TRAF3IP3: variants seen among roughly 807,000 people sequenced by gnomAD.
TRAF3IP3 encodes TRAF3 interacting protein 3, also known as TRAF3-interacting JNK-activating modulator.
TRAF3IP3 carries 64 observed loss-of-function variants against 86.5 expected under a neutral mutation model. The ratio of observed to expected loss-of-function variants is 0.74; its 90% CI spans 0.60 to 0.91. TRAF3IP3 has a LOEUF of 0.91. Among genes scored for constraint, TRAF3IP3 ranks in the 40% least tolerant of loss-of-function variants. The probability of loss-of-function intolerance (pLI) is 0.00; values close to 1 mark genes in which losing one functional copy is unlikely to be tolerated. For missense variants in TRAF3IP3, 579 were observed against 642.9 expected (o/e 0.90, Z 1.07); for synonymous variants, 220 against 243.9 (o/e 0.90, Z 0.91).
chr1:209,771,382 GGTGGAAGTGTGCA>G (rs1404285791), intron 8 of TRAF3IP3, among the ~76,000 whole-genome samples: 1 of 95,240 alleles, frequency 1.0e-5, no homozygotes. Flanking sequence ...TGTGTGTGCA[GGTGGAAGTGTGCA>G]TGTGCATGTG....
chr1:209,757,884 T>G (rs1398732268), intron 1 of TRAF3IP3, among the ~76,000 whole-genome samples: 1 of 152,204 alleles, frequency 6.6e-6, no homozygotes, highest in Non-Finnish European at 1.5e-5. Flanking sequence ...ACAAGGCAGG[T>G]CCTAGCCCCA....
intron 8 of TRAF3IP3, among the ~76,000 whole-genome samples, chr1:209,766,012 C>T (rs1232935791): frequency 6.6e-6 from 1 of 152,202 alleles, no homozygotes; most frequent in African/African-American, 2.4e-5. Flanking sequence ...AAGCATACCG[C>T]ACCGGGTGGA....
intron 15 of TRAF3IP3, chr1:209,780,945 T>C (rs1396127419): frequency 5.4e-6 from 1 of 184,646 alleles, no homozygotes; most frequent in Non-Finnish European, 1.1e-5. Flanking sequence ...ACTCTTCCTT[T>C]GTACATACTC....
chr1:209,756,401 GGTGGA>G (rs2077155927), intron 1 of TRAF3IP3, 92 bp downstream of exon 1: 2 of 152,354 alleles, frequency 1.3e-5, no homozygotes, highest in South Asian at 4.1e-4. Context: ...AGCTCCCCTG[GGTGGA>G]GAGTGGGTGG....
chr1:209,768,547 G>C, intron 8 of TRAF3IP3: 1 of 985,622 alleles, frequency 1.0e-6, no homozygotes, highest in Non-Finnish European at 1.2e-6. Flanking sequence ...AGAGCAGAGA[G>C]ATGAGCTGTG....
At chr1:209,769,994 G>T (rs1421080661) in intron 8 of TRAF3IP3, among the ~76,000 whole-genome samples, 1 of 152,194 alleles carries the variant, frequency 6.6e-6, no homozygotes, top group African/African-American at 2.4e-5. Context: ...CTGGGCAAAA[G>T]GGGCAAGTCT....
chr1:209,769,106 G>A (rs1172188020), intron 8 of TRAF3IP3, among the ~76,000 whole-genome samples: 1 of 152,204 alleles, frequency 6.6e-6, no homozygotes, highest in African/African-American at 2.4e-5. Context: ...ACCCCAAAAG[G>A]GTAGGAGACT....
intron 8 of TRAF3IP3, among the ~76,000 whole-genome samples, chr1:209,766,254 C>T (rs10779513): frequency 0.52 from 79,309 of 152,076 alleles, 21,854 homozygotes; most frequent in African/African-American, 0.7. Context: ...ATTGACAGAG[C>T]AGGAACTTGG....
At position 209,765,288 on chromosome 1, in the gene TRAF3IP3, A is replaced by AG. The variant is rs1422926319; in HGVS notation, c.702+1702dup. 2.4e-4 allele frequency among the ~76,000 whole-genome samples: 23 copies of AG among 95,958 alleles called. 1 individual carries two copies. The East Asian group carries it at 2.6e-3, about 11-fold the overall frequency. 63.0% of individuals were successfully genotyped at this position (95,958 alleles called of 152,430 possible). On this transcript the variant is annotated intron_variant, in intron 8 of 16. Coordinates refer to ENST00000367025, the MANE Select transcript of TRAF3IP3 (RefSeq NM_025228.4). ...AAGGAAGGAAGGAAGGAAGGAAGGA[A>AG]GAAATTAAGATAGAAATTGAGAAAG...
intron 9 of TRAF3IP3, 98 bp from the exon 10 acceptor site, chr1:209,775,251 T>TG: frequency 3.3e-6 from 4 of 1,211,506 alleles, no homozygotes; most frequent in Non-Finnish European, 4.6e-6. Flanking sequence ...TATCTCTGCC[T>TG]GGGGGAAGAA....
chr1:209,760,410 C>T (rs1485655274), intron 3 of TRAF3IP3, 26 bp downstream of exon 3: 1 of 1,533,996 alleles, frequency 6.5e-7, no homozygotes, highest in South Asian at 1.2e-5. Flanking sequence ...GGACATACTG[C>T]TGTGTGCTCT....
At position 209,763,543 on chromosome 1, in the gene TRAF3IP3, G is replaced by A; in HGVS notation, c.658G>A (p.Asp220Asn). 6.2e-7 allele frequency: 1 copy of A among 1,614,200 alleles called. No homozygotes were observed. The highest frequency in any genetic ancestry group is 8.5e-7 in the Non-Finnish European group (1 of 1,180,042). The change falls in exon 8 of 17, where the codon GAC becomes AAC. Residue 220 changes from aspartate (D) to asparagine (N), a missense_variant. Physicochemically the swap from Asp to Asn is conservative, Grantham distance 23. Transcript: ENST00000367025. Reference sequence around the variant, plus strand: ...AAAACAGAAAATGGTGATTCTCCAAGACCTACTGTCCACTCTGATTCAGGC... The same window carrying A: ...AAAACAGAAAATGGTGATTCTCCAAAACCTACTGTCCACTCTGATTCAGGC... ...VLKQKMVILQDLLSTLIQASD... is the reference protein window; with the variant it reads ...VLKQKMVILQNLLSTLIQASD...
chr1:209,771,383 G>C (rs796298103), intron 8 of TRAF3IP3, among the ~76,000 whole-genome samples: 6 of 95,838 alleles, frequency 6.3e-5, no homozygotes, highest in East Asian at 2.6e-4. Flanking sequence ...GTGTGTGCAG[G>C]TGGAAGTGTG....
chr1:209,762,851 G>A lies in TRAF3IP3; in HGVS notation c.532G>A (p.Asp178Asn), dbSNP rs150703631. Reference sequence around the variant, plus strand: ...GGCAGAAGGACCAACAATTAAGAACGATGCCAGTCAGCAAACCAAGTGAGT... The same window carrying A: ...GGCAGAAGGACCAACAATTAAGAACAATGCCAGTCAGCAAACCAAGTGAGT... ...TKAEGPTIKN[D>N]ASQQTNYGVA... is the part of the protein sequence containing the mutation. The change falls in exon 5 of 17, where the codon GAT becomes AAT. Residue 178 changes from aspartate to asparagine, a missense_variant. Physicochemically the swap from Asp to Asn is conservative, Grantham distance 23 (BLOSUM62 1). Transcript: ENST00000367025. 6.7e-5 allele frequency: 108 copies of A among 1,614,110 alleles called. No individual in the cohort carries two copies. The African/African-American group carries it at 1.3e-3, about 19-fold the overall frequency.
At chr1:209,778,290 G>A (rs2077701847) in intron 13 of TRAF3IP3, 117 bp downstream of exon 13, 5 of 720,898 alleles carry the variant, frequency 6.9e-6, no homozygotes, top group African/African-American at 5.4e-5. Context: ...CTAACTCTGT[G>A]CACTTTCAGA....
At position 209,760,157 on chromosome 1, in the gene TRAF3IP3, A is replaced by G; in HGVS notation, c.118A>G (p.Thr40Ala). 1 of 1,614,204 alleles carries G rather than the reference A, an allele frequency of 6.2e-7. No individual in the cohort carries two copies. Residue 40 changes from threonine (T) to alanine (A), a missense_variant, in exon 3 of 17, where the codon ACC becomes GCC. Thr to Ala is a moderately conservative substitution (Grantham distance 58). Coordinates refer to ENST00000367025, the MANE Select transcript of TRAF3IP3 (RefSeq NM_025228.4). ...RESRRCRPNV[T>A]TCRQVGKTLR... ...AAGCCGCCGCTGCCGTCCCAATGTG[A>G]CCACTTGCCGCCAGGTGGGGAAGAC...
At chr1:209,763,684 C>G in intron 8 of TRAF3IP3, 97 bp downstream of exon 8, 1 of 1,043,018 alleles carries the variant, frequency 9.6e-7, no homozygotes, top group African/African-American at 1.6e-5. Context: ...AAGGGGTTTT[C>G]TCACTACTGA....
Position 209,781,333 on chromosome 1 carries a change from T to A in TRAF3IP3, c.1450-12T>A. ...GAAGTGACAGTGATGACTTTGGTGATGTTCTCCCCAGTGCAGAGAACTGCA... is the reference window on the plus strand; with the variant it reads ...GAAGTGACAGTGATGACTTTGGTGAAGTTCTCCCCAGTGCAGAGAACTGCA... On this transcript the variant is annotated splice_polypyrimidine_tract_variant and intron_variant, in intron 15 of 16. Transcript: ENST00000367025. 1 of 1,572,068 alleles carries A rather than the reference T, an allele frequency of 6.4e-7. No homozygotes were observed. The highest frequency in any genetic ancestry group is 8.7e-7 in the Non-Finnish European group (1 of 1,142,976).
intron 14 of TRAF3IP3, chr1:209,780,132 T>A (rs1193161469): frequency 5.9e-6 from 1 of 168,384 alleles, no homozygotes; most frequent in Non-Finnish European, 1.3e-5. Context: ...ATTAAAGCAT[T>A]TACCAAACTT....
Sources: allele counts gnomAD v4.1 joint callset (sites outside exome capture counted in the v4.1 genomes callset), GRCh38; gene constraint gnomAD v4.1.1; transcripts MANE v1.5; gene names NCBI Gene and HGNC (gene_info 2026-07-23, HGNC 2026-07-21).